The following FRS2 variants were observed in gnomAD, a reference collection of about 807,000 sequenced individuals.
FRS2 encodes FGFR signalling adaptor.
FRS2 carries 8 observed loss-of-function variants against 43.9 expected under a neutral mutation model. The ratio of observed to expected loss-of-function variants is 0.18; its 90% confidence interval spans 0.11 to 0.33. FRS2 has a LOEUF of 0.33. FRS2 is among the 10% of genes least tolerant of loss of function. FRS2 has a pLI of 1.00. For missense variants in FRS2, 534 were observed against 627.6 expected, an observed-to-expected ratio of 0.85 and a Z score of 1.59; for synonymous variants, 219 against 220.3, an observed-to-expected ratio of 0.99 and a Z score of 0.05.
rs1052985968 is a variant in FRS2, at chr12:69,494,146, C to T, written c.-261+23616C>T. Among the ~76,000 whole-genome samples, 6 of 152,160 alleles carry T rather than the reference C, an allele frequency of 3.9e-5. No homozygotes were observed. The South Asian group carries it at 1.0e-3, about 26-fold the overall frequency. ...AATGGGTAGGTGCTTAGAATTTATT[C>T]GTCCATTTGTGCTAGACGCTGAGGC... On this transcript the variant is annotated intron_variant, in intron 1 of 8. Transcript: ENST00000549921.
At chr12:69,500,864 A>G (rs1014535050) in intron 1 of FRS2, among the ~76,000 whole-genome samples, 1 of 152,140 alleles carries the variant, frequency 6.6e-6, no homozygotes, top group African/African-American at 2.4e-5. Context: ...CTTTTGGTGG[A>G]TGGGGGAGGA....
intron 3 of FRS2, among the ~76,000 whole-genome samples, chr12:69,540,000 T>TG (rs34895640): frequency 7.0e-6 from 1 of 142,510 alleles, no homozygotes; most frequent in Non-Finnish European, 1.5e-5. Context: ...ACGCCTGTAA[T>TG]CCCAGCACTT....
At chr12:69,519,344 C>T (rs367766850) in intron 1 of FRS2, among the ~76,000 whole-genome samples, 62 of 152,124 alleles carry the variant, frequency 4.1e-4, no homozygotes, top group Non-Finnish European at 7.2e-4. Flanking sequence ...ACTCTGATGA[C>T]GTTTACATTT....
intron 1 of FRS2, among the ~76,000 whole-genome samples, chr12:69,470,969 C>T (rs527607626): frequency 8.5e-5 from 13 of 152,190 alleles, no homozygotes; most frequent in South Asian, 6.2e-4. Context: ...GTAATTAACC[C>T]GGGTCCCAGG....
At chr12:69,513,040 C>G (rs1373616119) in intron 1 of FRS2, among the ~76,000 whole-genome samples, 3 of 152,064 alleles carry the variant, frequency 2.0e-5, no homozygotes, top group Non-Finnish European at 4.4e-5. Context: ...GCTCAACTCT[C>G]AAGGCCTCAG....
At position 69,571,411 on chromosome 12, in the gene FRS2, C is replaced by G; in HGVS notation, c.389C>G (p.Pro130Arg). The change falls in exon 7 of 9, where the codon CCT becomes CGT. Residue 130 changes from proline (P) to arginine (R), a missense_variant. Physicochemically the swap from Pro to Arg is moderately radical, Grantham distance 103. Coordinates refer to ENST00000549921, the MANE Select transcript of FRS2 (RefSeq NM_001278356.2). ...RNNHQTELEV[P>R]RTPRTPTTPG... ...AATCATCAGACAGAATTGGAAGTCC[C>G]TAGAACACCTCGAACACCTACAAGT... 1 of 1,612,832 alleles carries G rather than the reference C, an allele frequency of 6.2e-7. No individual in the cohort carries two copies. The highest frequency in any genetic ancestry group is 8.5e-7 in the Non-Finnish European group (1 of 1,179,384).
chr12:69,555,105 C>A (rs541328948), intron 3 of FRS2, among the ~76,000 whole-genome samples: 1 of 151,670 alleles, frequency 6.6e-6, no homozygotes, highest in Non-Finnish European at 1.5e-5. Flanking sequence ...AGTGCAGTGG[C>A]GCAATCTCAG....
At chr12:69,547,419 A>G (rs1170767529) in intron 3 of FRS2, among the ~76,000 whole-genome samples, 1 of 152,144 alleles carries the variant, frequency 6.6e-6, no homozygotes, top group East Asian at 1.9e-4. Flanking sequence ...CTATGGTCAC[A>G]TCACTGCCCT....
chr12:69,524,143 C>T (rs2135627616), intron 1 of FRS2, among the ~76,000 whole-genome samples: 1 of 152,198 alleles, frequency 6.6e-6, no homozygotes, highest in African/African-American at 2.4e-5. Context: ...GTTCTCCATG[C>T]TTAGTTTTGG....
intron 1 of FRS2, among the ~76,000 whole-genome samples, chr12:69,490,780 C>G (rs1255859809): frequency 6.6e-6 from 1 of 152,114 alleles, no homozygotes; most frequent in Non-Finnish European, 1.5e-5. Context: ...ATACTTTTCA[C>G]TAAAGAAATA....
chr12:69,494,403 A>G (rs531956180), intron 1 of FRS2, among the ~76,000 whole-genome samples: 28 of 152,320 alleles, frequency 1.8e-4, no homozygotes, highest in Non-Finnish European at 3.4e-4. Flanking sequence ...CAGTATAAGC[A>G]TGATATCCAA....
intron 3 of FRS2, among the ~76,000 whole-genome samples, chr12:69,555,629 A>G (rs553745835): frequency 2.2e-4 from 33 of 152,314 alleles, no homozygotes; most frequent in Middle Eastern, 3.4e-3. Context: ...CGAAATTTCC[A>G]TATACAAAGG....
chr12:69,552,028 G>A (rs1484482037), intron 3 of FRS2, among the ~76,000 whole-genome samples: 12 of 151,634 alleles, frequency 7.9e-5, no homozygotes, highest in Admixed American at 5.3e-4. Context: ...ATCTCTGGCC[G>A]GGCACGGTGG....
In FRS2 at chr12:69,573,810, T is replaced by C. The variant is rs555280102; in HGVS notation, c.577-195T>C. Among the ~76,000 whole-genome samples, 8 of 152,364 alleles carry C rather than the reference T, an allele frequency of 5.3e-5. No individual in the cohort carries two copies. In the South Asian group the frequency reaches 1.5e-3, roughly 28 times the overall value. On this transcript the variant is annotated intron_variant, in intron 8 of 8. Coordinates refer to ENST00000549921, the MANE Select transcript of FRS2 (RefSeq NM_001278356.2). Reference sequence around the variant, plus strand: ...ATTCTTTTATCAAATTAGGAAGACATTTCTACATTTCTCCTTCTCTTTCCA... The same window carrying C: ...ATTCTTTTATCAAATTAGGAAGACACTTCTACATTTCTCCTTCTCTTTCCA...
intron 1 of FRS2, among the ~76,000 whole-genome samples, 178 bp downstream of exon 1, chr12:69,470,708 T>C (rs1565705903): frequency 7.6e-6 from 1 of 131,994 alleles, no homozygotes; most frequent in Non-Finnish European, 1.6e-5. Flanking sequence ...GAGCTGGCTG[T>C]GGGTCCATGG....
At chr12:69,547,856 T>TTG (rs1491027176) in intron 3 of FRS2, among the ~76,000 whole-genome samples, 2 of 131,068 alleles carry the variant, frequency 1.5e-5, no homozygotes, top group African/African-American at 6.4e-5. Flanking sequence ...TTTTTTTTTT[T>TTG]GTGAGTCAGG....
chr12:69,555,137 C>T (rs947010157), intron 3 of FRS2, among the ~76,000 whole-genome samples: 2 of 151,800 alleles, frequency 1.3e-5, no homozygotes, highest in Admixed American at 1.3e-4. Flanking sequence ...TTCTGCCTCC[C>T]AGGCTCAAAC....
At chr12:69,471,008 C>T (rs1870230852) in intron 1 of FRS2, among the ~76,000 whole-genome samples, 1 of 152,068 alleles carries the variant, frequency 6.6e-6, no homozygotes, top group Non-Finnish European at 1.5e-5. Flanking sequence ...CAGGGTGGGG[C>T]GCTGCCTGTA....
intron 1 of FRS2, among the ~76,000 whole-genome samples, chr12:69,502,737 A>G (rs1188063350): frequency 2.6e-5 from 4 of 152,202 alleles, no homozygotes; most frequent in Non-Finnish European, 5.9e-5. Context: ...AGGGAAATGA[A>G]TGCAGTGTGG....
Sources: gnomAD v4.1 joint callset for allele counts (sites outside exome capture counted in the v4.1 genomes callset) on GRCh38, gnomAD v4.1.1 for gene constraint, MANE v1.5 for transcripts, NCBI Gene and HGNC (gene_info 2026-07-23, HGNC 2026-07-21) for gene names.